RAP1GAP2: variants seen among roughly 807,000 people sequenced by gnomAD.
RAP1GAP2 encodes RAP1 GTPase activating protein 2, also known as rap1 GTPase-activating protein 2.
Under a neutral mutation model 95.0 loss-of-function variants are expected in RAP1GAP2, and 27 were observed. The observed-to-expected ratio is 0.28, with a 90% CI of 0.21 to 0.39. RAP1GAP2 has a LOEUF of 0.39. Among genes scored for constraint, RAP1GAP2 ranks in the 10% least tolerant of loss-of-function variants. The probability of loss-of-function intolerance (pLI) is 1.00; values close to 1 mark genes in which losing one functional copy is unlikely to be tolerated. For synonymous variants in RAP1GAP2, 373 were observed against 380.9 expected, an observed-to-expected ratio of 0.98 and a Z score of 0.24; for missense variants, 771 against 970.0, an observed-to-expected ratio of 0.79 and a Z score of 2.72.
At chr17:2,807,799 G>C (rs1482459987) in intron 2 of RAP1GAP2, among the ~76,000 whole-genome samples, 1 of 152,154 alleles carries the variant, frequency 6.6e-6, no homozygotes, top group Admixed American at 6.5e-5. Flanking sequence ...AGTGGGGCTG[G>C]ATCAAAGGGC....
At chr17:2,913,630 A>C (rs1369653399) in intron 3 of RAP1GAP2, among the ~76,000 whole-genome samples, 1 of 152,148 alleles carries the variant, frequency 6.6e-6, no homozygotes, top group Non-Finnish European at 1.5e-5. Context: ...TGCTTCTGGA[A>C]GATTACTCTA....
chr17:2,961,292 A>G (rs1443882919), intron 4 of RAP1GAP2, among the ~76,000 whole-genome samples: 1 of 152,034 alleles, frequency 6.6e-6, no homozygotes, highest in Admixed American at 6.5e-5. Flanking sequence ...AGGCGGGTGG[A>G]TCACCTGAGG....
intron 2 of RAP1GAP2, among the ~76,000 whole-genome samples, chr17:2,863,124 T>C (rs1268995713): frequency 3.3e-5 from 5 of 152,060 alleles, no homozygotes; most frequent in Non-Finnish European, 7.4e-5. Flanking sequence ...GGCTGGTATT[T>C]CATAAGCTGA....
In RAP1GAP2 at chr17:3,003,640, C is replaced by G. The variant is rs535800044; in HGVS notation, c.1201-1729C>G. Among the ~76,000 whole-genome samples, 274 of 152,304 alleles carry G rather than the reference C, an allele frequency of 1.8e-3. 1 individual carries two copies. Among genetic ancestry groups the G allele is most frequent in the African/African-American group, 6.4e-3 (268 of 41,554 alleles). On this transcript the variant is annotated intron_variant, in intron 14 of 24. Coordinates refer to ENST00000254695, the MANE Select transcript of RAP1GAP2 (RefSeq NM_015085.5). This position sits in a 1 kb window ranked among gnomAD's most constrained non-coding sequence, Gnocchi z 4.1. ...CCTTCCTCCTTCCAGCCATGCAGGT[C>G]CCTTCCCCAGAGTCACCTGCATCTG...
At chr17:2,935,594 C>CT (rs2151420991) in intron 3 of RAP1GAP2, among the ~76,000 whole-genome samples, 1 of 152,308 alleles carries the variant, frequency 6.6e-6, no homozygotes, top group African/African-American at 2.4e-5. Flanking sequence ...GTCACCCCCC[C>CT]GCCCCCATCC....
chr17:2,770,465 T>A, intron 2 of RAP1GAP2: 1 of 398,768 alleles, frequency 2.5e-6, no homozygotes, highest in Non-Finnish European at 4.4e-6. Flanking sequence ...CCTTCTGCCT[T>A]GACCCTCACA....
intron 2 of RAP1GAP2, among the ~76,000 whole-genome samples, chr17:2,847,450 T>C (rs773833250): frequency 2.0e-5 from 3 of 152,144 alleles, no homozygotes; most frequent in Non-Finnish European, 2.9e-5. Flanking sequence ...AAATCTCACA[T>C]AGTTGTAATT....
At chr17:2,882,500 C>T (rs1280895301) in intron 2 of RAP1GAP2, among the ~76,000 whole-genome samples, 1 of 151,956 alleles carries the variant, frequency 6.6e-6, no homozygotes, top group Non-Finnish European at 1.5e-5. Flanking sequence ...CCACGTTGGC[C>T]AGGCTGGTCT....
chr17:2,785,899 C>CT (rs386385450), intron 1 of RAP1GAP2, among the ~76,000 whole-genome samples: 79,841 of 119,762 alleles, frequency 0.67, 27,792 homozygotes, highest in Middle Eastern at 0.78. Context: ...AAAAGTATGA[C>CT]TTTTTTTTTT....
intron 3 of RAP1GAP2, among the ~76,000 whole-genome samples, chr17:2,909,466 T>A (rs1035082624): frequency 6.6e-6 from 1 of 151,068 alleles, no homozygotes; most frequent in Non-Finnish European, 1.5e-5. Context: ...GAGCCTGGAG[T>A]GTGAGGAAAT....
intron 2 of RAP1GAP2, among the ~76,000 whole-genome samples, chr17:2,809,883 G>A (rs2069682926): frequency 6.6e-6 from 1 of 152,162 alleles, no homozygotes; most frequent in Non-Finnish European, 1.5e-5. Flanking sequence ...GTACAGAGAC[G>A]ACGCTGGTGT....
intron 4 of RAP1GAP2, among the ~76,000 whole-genome samples, chr17:2,961,625 T>C (rs1028484143): frequency 2.0e-4 from 31 of 152,242 alleles, no homozygotes; most frequent in African/African-American, 6.8e-4. Flanking sequence ...CCAGGCATCA[T>C]ATCTGATCCT....
At position 2,800,519 on chromosome 17, in the gene RAP1GAP2, G is replaced by C. The variant is rs138309648; in HGVS notation, c.49G>C (p.Asp17His). 6.2e-7 allele frequency: 1 copy of C among 1,612,628 alleles called. No individual in the cohort carries two copies. Among genetic ancestry groups the C allele is most frequent in the East Asian group, 2.2e-5 (1 of 44,846 alleles). Residue 17 changes from aspartate (D) to histidine (H), a missense_variant, in exon 2 of 25, where the codon GAC becomes CAC. Transcript: ENST00000254695. ...CCCTTGCTTTTCTCTTGGCAGGATC[G>C]ACAAGACCATGCTGGCAAGTCTGAA... ...SVSFGGFGWI[D>H]KTMLASLKVK...
intron 1 of RAP1GAP2, among the ~76,000 whole-genome samples, chr17:2,789,547 G>A (rs1243579798): frequency 6.7e-6 from 1 of 148,616 alleles, no homozygotes; most frequent in African/African-American, 2.5e-5. Flanking sequence ...GATCACCTGA[G>A]GTCAGGAGTT....
intron 2 of RAP1GAP2, among the ~76,000 whole-genome samples, chr17:2,886,587 T>C (rs981769790): frequency 6.6e-6 from 1 of 152,278 alleles, no homozygotes; most frequent in African/African-American, 2.4e-5. Context: ...GATACTTTTG[T>C]AGGCATTTAG....
chr17:2,948,187 G>A (rs1041665019), intron 3 of RAP1GAP2, among the ~76,000 whole-genome samples: 7 of 152,208 alleles, frequency 4.6e-5, no homozygotes, highest in African/African-American at 9.6e-5. Context: ...ATGCAAAGGC[G>A]CAAGCACTCA....
chr17:2,801,597 ATGTGTGTGTGTGTGTGTG>A (rs71150898), intron 2 of RAP1GAP2, among the ~76,000 whole-genome samples: 28 of 121,956 alleles, frequency 2.3e-4, no homozygotes, highest in South Asian at 5.4e-4. Context: ...ACTCCAGGGT[ATGTGTGTGTGTGTGTGTG>A]TGTGTGTGTG....
At chr17:2,895,285 C>T (rs2073854034) in intron 2 of RAP1GAP2, among the ~76,000 whole-genome samples, 2 of 152,118 alleles carry the variant, frequency 1.3e-5, no homozygotes, top group Non-Finnish European at 2.9e-5. Flanking sequence ...CTCTGGGAAG[C>T]CGTGGGCCAT....
In RAP1GAP2 at chr17:2,862,996, CAAAA is replaced by C. The variant is rs1164520490; in HGVS notation, c.81-42266_81-42263del. 8.6e-4 allele frequency among the ~76,000 whole-genome samples: 42 copies of C among 49,014 alleles called. No individual in the cohort carries two copies. The East Asian group carries it at 8.6e-3, about 10-fold the overall frequency. The allele number at this position is 49,014 out of a possible 152,430, so 32.2% of individuals were successfully genotyped here. On this transcript the variant is annotated intron_variant, in intron 2 of 24. Transcript: ENST00000254695. ...TGGGTGACAAAGCCAGACTCTGTCT[CAAAA>C]AAAAAAAAAAAAAAAAAAAAAGTAA... is the stretch of plus-strand genomic sequence containing the variant.
Sources: gnomAD v4.1 joint callset for allele counts (sites outside exome capture counted in the v4.1 genomes callset) on GRCh38, gnomAD v4.1.1 for gene constraint, Gnocchi (gnomAD v3.1) non-coding constraint, MANE v1.5 for transcripts, NCBI Gene and HGNC (gene_info 2026-07-23, HGNC 2026-07-21) for gene names.